The following MAPK6 variants were observed in gnomAD, a reference collection of about 807,000 sequenced individuals.
MAPK6 encodes ERK-3.
MAPK6 carries 19 observed loss-of-function variants against 59.3 expected under a neutral mutation model. The ratio of observed to expected loss-of-function variants is 0.32; its 90% CI spans 0.22 to 0.47. The LOEUF (loss-of-function observed/expected upper bound fraction) is 0.47, where lower values mean the gene tolerates loss of function less well. Among genes scored for constraint, MAPK6 ranks in the 20% least tolerant of loss-of-function variants. The probability of loss-of-function intolerance (pLI) is 1.00; values close to 1 mark genes in which losing one functional copy is unlikely to be tolerated. For synonymous variants in MAPK6, 316 were observed against 290.3 expected (o/e 1.09, Z -0.90); for missense variants, 724 against 847.9 (o/e 0.85, Z 1.81).
chr15:52,064,297 A>C lies in MAPK6; in HGVS notation c.1463A>C (p.Asp488Ala), dbSNP rs375012210. 6.2e-7 allele frequency: 1 copy of C among 1,610,112 alleles called. No individual in the cohort carries two copies. Among genetic ancestry groups the C allele is most frequent in the African/African-American group, 1.3e-5 (1 of 74,716 alleles). The change falls in exon 6 of 6, where the codon GAT becomes GCT. Residue 488 changes from aspartate (D) to alanine (A), a missense_variant. Asp to Ala is a moderately radical substitution (Grantham distance 126). Coordinates refer to ENST00000261845, the MANE Select transcript of MAPK6 (RefSeq NM_002748.4). ...NWKEQSKEKSDKKGKSKCERN... is the reference protein window; with the variant it reads ...NWKEQSKEKSAKKGKSKCERN... ...AAAGAACAAAGCAAAGAAAAATCTGATAAGAAAGGCAAATCAAAATGTGAA... is the reference window on the plus strand; with the variant it reads ...AAAGAACAAAGCAAAGAAAAATCTGCTAAGAAAGGCAAATCAAAATGTGAA...
intron 1 of MAPK6, chr15:52,027,623 T>TC (rs2030851977): frequency 6.7e-6 from 1 of 149,568 alleles, no homozygotes; most frequent in Non-Finnish European, 1.5e-5. Flanking sequence ...CTTAATTTTT[T>TC]TTTTTTTTTT....
chr15:52,012,987 GAAAAAAAAAAAAAAAAAAAAAAAAA>G (rs869196156), intron 3 of MAPK6, among the ~76,000 whole-genome samples: 4 of 26,640 alleles, frequency 1.5e-4, no homozygotes, highest in Non-Finnish European at 2.0e-4. Context: ...ACTCCGCCTG[GAAAAAAAAAAAAAAAAAAAAAAAAA>G]AAAAAAAAAT....
At chr15:51,984,272 T>C (rs147899914) in intron 2 of MAPK6, among the ~76,000 whole-genome samples, 1 of 152,206 alleles carries the variant, frequency 6.6e-6, no homozygotes, top group Non-Finnish European at 1.5e-5. Flanking sequence ...GGATGTTTTC[T>C]ATGTTTTCAG....
chr15:52,048,761 C>T (rs1351813277), intron 2 of MAPK6, among the ~76,000 whole-genome samples: 3 of 151,660 alleles, frequency 2.0e-5, no homozygotes, highest in Admixed American at 2.0e-4. Context: ...TGCCTGTAAT[C>T]TCAGCACTTT....
At chr15:51,978,128 G>A (rs550170625) in intron 1 of MAPK6, among the ~76,000 whole-genome samples, 19 of 142,446 alleles carry the variant, frequency 1.3e-4, no homozygotes, top group African/African-American at 4.6e-4. Context: ...AATTACTGAT[G>A]ACAGTTTAAT....
chr15:52,000,623 T>C (rs1194275212), intron 2 of MAPK6, among the ~76,000 whole-genome samples: 1 of 151,996 alleles, frequency 6.6e-6, no homozygotes, highest in Non-Finnish European at 1.5e-5. Context: ...CTGGCCAATA[T>C]GGTGAAACTC....
intron 1 of MAPK6, among the ~76,000 whole-genome samples, chr15:51,974,695 T>C (rs2057152346): frequency 6.8e-6 from 1 of 147,334 alleles, no homozygotes; most frequent in South Asian, 2.1e-4. Flanking sequence ...GATCTTGACA[T>C]TTGTTCCTAG....
chr15:52,061,735 T>C (rs2032210126), intron 5 of MAPK6, among the ~76,000 whole-genome samples: 2 of 152,276 alleles, frequency 1.3e-5, no homozygotes. Flanking sequence ...ATTATGCCAC[T>C]GCATTCCAGT....
chr15:52,007,703 C>A (rs75427966), intron 3 of MAPK6, among the ~76,000 whole-genome samples: 237 of 125,982 alleles, frequency 1.9e-3, no homozygotes, highest in South Asian at 2.0e-3. Flanking sequence ...AGCTCTATCT[C>A]AAAAAAAAAA....
chr15:52,015,479 A>ATT (rs563240004), upstream of MAPK6, among the ~76,000 whole-genome samples: 11 of 134,838 alleles, frequency 8.2e-5, no homozygotes, highest in Non-Finnish European at 1.3e-4. Flanking sequence ...ACAGAATGGG[A>ATT]TTTTTTTTTT....
chr15:52,036,201 G>A (rs375899983), intron 1 of MAPK6, among the ~76,000 whole-genome samples: 2 of 152,102 alleles, frequency 1.3e-5, no homozygotes, highest in African/African-American at 2.4e-5. Flanking sequence ...TAGCCACTTT[G>A]TTTTCCTGAT....
At chr15:52,061,547 TGGACC>T in intron 5 of MAPK6, 47 bp downstream of exon 5, 1 of 1,383,272 alleles carries the variant, frequency 7.2e-7, no homozygotes, top group African/African-American at 1.4e-5. Context: ...GAACTTTCAG[TGGACC>T]ATATGTAGTG....
chr15:52,014,715 A>G (rs2030185086), upstream of MAPK6, among the ~76,000 whole-genome samples: 1 of 152,098 alleles, frequency 6.6e-6, no homozygotes, highest in Non-Finnish European at 1.5e-5. Context: ...AAAAAAAAAA[A>G]AAAAGGATGT....
At chr15:51,973,307 C>G (rs2057144340) in intron 1 of MAPK6, among the ~76,000 whole-genome samples, 1 of 151,914 alleles carries the variant, frequency 6.6e-6, no homozygotes, top group African/African-American at 2.4e-5. Flanking sequence ...GATTCAGTTT[C>G]ATTTTCATTT....
At chr15:52,039,168 C>T (rs1437810217) in intron 1 of MAPK6, among the ~76,000 whole-genome samples, 1 of 152,100 alleles carries the variant, frequency 6.6e-6, no homozygotes, top group Non-Finnish European at 1.5e-5. Flanking sequence ...CACCACCATG[C>T]CAAGCTAATT....
intron 3 of MAPK6, among the ~76,000 whole-genome samples, chr15:52,010,312 G>A (rs1260538183): frequency 6.6e-6 from 1 of 151,792 alleles, no homozygotes; most frequent in Non-Finnish European, 1.5e-5. Context: ...TCTGCCTCCT[G>A]GGTTCAAGCG....
At chr15:52,035,442 C>T (rs1444389148) in intron 1 of MAPK6, 2 of 152,214 alleles carry the variant, frequency 1.3e-5, no homozygotes, top group African/African-American at 2.4e-5. Flanking sequence ...TGAGACCAGC[C>T]TGGCCAATAT....
intron 2 of MAPK6, among the ~76,000 whole-genome samples, chr15:52,002,615 A>G (rs2057245291): frequency 6.6e-6 from 1 of 152,200 alleles, no homozygotes. Flanking sequence ...TTAACCCCAC[A>G]CAGGAATCTC....
chr15:52,030,084 T>A (rs2030967923), intron 1 of MAPK6, among the ~76,000 whole-genome samples: 1 of 152,184 alleles, frequency 6.6e-6, no homozygotes, highest in Non-Finnish European at 1.5e-5. Context: ...GCATTTCTTT[T>A]GCTCCAAAAT....
Sources: allele counts gnomAD v4.1 joint callset (sites outside exome capture counted in the v4.1 genomes callset), GRCh38; gene constraint gnomAD v4.1.1; transcripts MANE v1.5; gene names NCBI Gene and HGNC (gene_info 2026-07-23, HGNC 2026-07-21).